DPP6: variants seen among roughly 807,000 people sequenced by gnomAD.
DPP6 encodes the protein A-type potassium channel modulatory protein DPP6.
In DPP6, 69 loss-of-function variants were observed where a neutral mutation model predicts 122.6. That is an observed-to-expected ratio of 0.56 (90% CI 0.46 to 0.69). The LOEUF is 0.69. Ranked by LOEUF, DPP6 falls within the 30% of genes least tolerant of loss-of-function variation. DPP6 has a pLI of 0.00. For synonymous variants in DPP6, 418 were observed against 433.1 expected (o/e 0.97, Z 0.43); for missense variants, 928 against 1,116.9 (o/e 0.83, Z 2.41).
intron 1 of DPP6, among the ~76,000 whole-genome samples, chr7:154,339,216 G>A (rs776220053): frequency 2.2e-4 from 34 of 152,206 alleles, no homozygotes; most frequent in Admixed American, 9.8e-4. Context: ...TAAGCAGTGC[G>A]TGCAATGCAT....
intron 1 of DPP6, among the ~76,000 whole-genome samples, chr7:154,418,227 A>G (rs1317773727): frequency 2.0e-5 from 3 of 152,218 alleles, no homozygotes; most frequent in South Asian, 4.1e-4. Flanking sequence ...GCCCTGTTCC[A>G]AATCAGGAAA....
chr7:154,339,796 T>A (rs972145033), intron 1 of DPP6, among the ~76,000 whole-genome samples: 10 of 152,150 alleles, frequency 6.6e-5, no homozygotes, highest in Non-Finnish European at 1.3e-4. Flanking sequence ...TGTGGTTGGC[T>A]GGGCGTAGTG....
Position 154,892,610 on chromosome 7 carries a change from T to G in DPP6, c.*130T>G. On this transcript the variant is annotated 3_prime_UTR_variant, in exon 26 of 26. Coordinates refer to ENST00000377770, the MANE Select transcript of DPP6 (RefSeq NM_130797.4). ...CCGGGTGTTCCATAGCATGTGTGTC[T>G]CGGATGCGGAAGGCAGTTTTGCTTG... The G allele has an allele frequency of 6.6e-7, 1 of 1,525,606 alleles. No homozygotes were observed. 94.5% of individuals were successfully genotyped at this position (1,525,606 alleles called of 1,614,324 possible). A position where few individuals can be genotyped will look rare whatever the true frequency, so the allele number is the denominator to read the frequency against.
chr7:154,823,348 T>A (rs1162661598), intron 16 of DPP6, among the ~76,000 whole-genome samples: 1 of 149,712 alleles, frequency 6.7e-6, no homozygotes, highest in African/African-American at 2.4e-5. Flanking sequence ...CCAGCCTGGG[T>A]GACAGAGCAA....
chr7:154,450,580 C>T (rs557203329), intron 2 of DPP6, among the ~76,000 whole-genome samples: 17 of 152,224 alleles, frequency 1.1e-4, no homozygotes, highest in Non-Finnish European at 2.2e-4. Context: ...GGAGAGAGAG[C>T]GTTGCAGTCT....
At chr7:154,033,164 A>C (rs1307746806) in intron 1 of DPP6, among the ~76,000 whole-genome samples, 1 of 152,206 alleles carries the variant, frequency 6.6e-6, no homozygotes, top group Non-Finnish European at 1.5e-5. Context: ...ATAGAATCTG[A>C]GTCCAGAGGT....
At chr7:154,652,335 G>A (rs1345860804) in intron 6 of DPP6, among the ~76,000 whole-genome samples, 1 of 150,324 alleles carries the variant, frequency 6.7e-6, no homozygotes, top group African/African-American at 2.4e-5. Flanking sequence ...TACCTGAGCT[G>A]TTGGAGATTT....
intron 7 of DPP6, among the ~76,000 whole-genome samples, chr7:154,709,883 G>T (rs909963786): frequency 6.6e-6 from 1 of 152,172 alleles, no homozygotes; most frequent in Non-Finnish European, 1.5e-5. Context: ...GTTCAGGAAG[G>T]TTGGCCTATG....
At chr7:154,019,599 G>A (rs1585185283) in intron 1 of DPP6, among the ~76,000 whole-genome samples, 1 of 152,038 alleles carries the variant, frequency 6.6e-6, no homozygotes, top group Non-Finnish European at 1.5e-5. Flanking sequence ...GTCTTATTAC[G>A]AAGCAAGGAG....
chr7:153,762,151 G>C, the DPP6 span, among the ~76,000 whole-genome samples: 1 of 152,240 alleles, frequency 6.6e-6, no homozygotes, highest in East Asian at 1.9e-4. Context: ...GGTTTTAATA[G>C]ACAGTTATTA....
intron 1 of DPP6, among the ~76,000 whole-genome samples, chr7:153,927,921 CATG>C (rs1209149810): frequency 6.6e-6 from 1 of 152,116 alleles, no homozygotes; most frequent in Non-Finnish European, 1.5e-5. Context: ...CACTTAAAAG[CATG>C]ATAATTGCCA....
At chr7:153,823,533 A>G in the DPP6 span, among the ~76,000 whole-genome samples, 1 of 150,242 alleles carries the variant, frequency 6.7e-6, no homozygotes, top group South Asian at 2.1e-4. Context: ...AGATGGCTGA[A>G]AGACAACACA....
At chr7:154,869,202 C>G (rs937062440) in intron 18 of DPP6, among the ~76,000 whole-genome samples, 2 of 152,286 alleles carry the variant, frequency 1.3e-5, no homozygotes, top group East Asian at 1.9e-4. Context: ...TCTGCCCTTC[C>G]CTGACACGAG....
chr7:154,244,060 C>G (rs1054892504), intron 1 of DPP6, among the ~76,000 whole-genome samples: 2 of 151,346 alleles, frequency 1.3e-5, no homozygotes, highest in Admixed American at 1.3e-4. Context: ...TTCAAGAAAC[C>G]CCACTGGTAT....
intron 2 of DPP6, among the ~76,000 whole-genome samples, chr7:154,465,334 G>A (rs1821688557): frequency 6.6e-6 from 1 of 152,148 alleles, no homozygotes; most frequent in South Asian, 2.1e-4. Context: ...AAACAGAAAT[G>A]CAACAAAAGC....
At chr7:154,491,980 G>C (rs1824316909) in intron 3 of DPP6, among the ~76,000 whole-genome samples, 2 of 152,116 alleles carry the variant, frequency 1.3e-5, no homozygotes, top group South Asian at 4.1e-4. Flanking sequence ...AAAAGACTAA[G>C]ATCTCCATGG....
intron 6 of DPP6, among the ~76,000 whole-genome samples, chr7:154,640,014 G>A (rs1043642400): frequency 1.3e-5 from 2 of 152,164 alleles, no homozygotes. Context: ...CACTCCGGGA[G>A]GCCAAGGTGG....
intron 1 of DPP6, among the ~76,000 whole-genome samples, chr7:153,918,487 C>CTT (rs1800445814): frequency 1.5e-5 from 2 of 130,866 alleles, no homozygotes; most frequent in Non-Finnish European, 3.4e-5. Flanking sequence ...CTCTCTCTCT[C>CTT]TCTTTTTCTG....
chr7:154,003,475 C>T (rs1022110685), intron 1 of DPP6, among the ~76,000 whole-genome samples: 1 of 152,238 alleles, frequency 6.6e-6, no homozygotes, highest in Non-Finnish European at 1.5e-5. Context: ...ACTCTCCTAA[C>T]ACAGAGTCCT....
Sources: gnomAD v4.1 joint callset for allele counts (sites outside exome capture counted in the v4.1 genomes callset) on GRCh38, gnomAD v4.1.1 for gene constraint, MANE v1.5 for transcripts, NCBI Gene and HGNC (gene_info 2026-07-23, HGNC 2026-07-21) for gene names.